PCDH7: variants seen among roughly 807,000 people sequenced by gnomAD.
PCDH7 encodes protocadherin 7.
Under a neutral mutation model 58.9 loss-of-function variants are expected in PCDH7, and 17 were observed. The ratio of observed to expected loss-of-function variants is 0.29; its 90% confidence interval spans 0.20 to 0.43. The LOEUF (loss-of-function observed/expected upper bound fraction) is 0.43, where lower values mean the gene tolerates loss of function less well. PCDH7 is among the 20% of genes least tolerant of loss of function. The pLI is 1.00. For synonymous variants in PCDH7, 664 were observed against 616.4 expected, an observed-to-expected ratio of 1.08 and a Z score of -1.14; for missense variants, 1,274 against 1,441.0, an observed-to-expected ratio of 0.88 and a Z score of 1.88.
chr4:31,146,127 G>A (rs1011407766), downstream of PCDH7: 1 of 151,962 alleles, frequency 6.6e-6, no homozygotes, highest in Non-Finnish European at 1.5e-5. Flanking sequence ...AAACAAGGGA[G>A]GCATTATTTT....
intron 3 of PCDH7, among the ~76,000 whole-genome samples, chr4:31,058,642 A>G (rs569259037): frequency 6.6e-6 from 1 of 152,116 alleles, no homozygotes; most frequent in East Asian, 1.9e-4. Flanking sequence ...GAGGTAAAAG[A>G]CCTTCTTATA....
chr4:31,102,603 G>C (rs545375008), intron 3 of PCDH7, among the ~76,000 whole-genome samples: 2 of 151,302 alleles, frequency 1.3e-5, no homozygotes, highest in Non-Finnish European at 2.9e-5. Flanking sequence ...AACCGGGGAG[G>C]TGAAGGCTGA....
At chr4:31,034,625 T>C (rs73113497) in intron 3 of PCDH7, among the ~76,000 whole-genome samples, 36,072 of 152,088 alleles carry the variant, frequency 0.24, 4,545 homozygotes, top group South Asian at 0.34. Context: ...CTACTAGTAA[T>C]GCTACTCCAG....
At chr4:31,048,448 T>C (rs1443552035) in intron 3 of PCDH7, among the ~76,000 whole-genome samples, 1 of 152,118 alleles carries the variant, frequency 6.6e-6, no homozygotes, top group Non-Finnish European at 1.5e-5. Context: ...AATATAATTA[T>C]TTTTAGTCTT....
intron 3 of PCDH7, among the ~76,000 whole-genome samples, chr4:30,970,588 C>T (rs933869102): frequency 6.6e-6 from 1 of 152,186 alleles, no homozygotes; most frequent in South Asian, 2.1e-4. Context: ...CCACCGCTCC[C>T]GGCCAAATGA....
intron 1 of PCDH7, among the ~76,000 whole-genome samples, chr4:30,866,825 T>C (rs528679927): frequency 6.6e-6 from 1 of 152,246 alleles, no homozygotes; most frequent in South Asian, 2.1e-4. Context: ...GATGAAACCC[T>C]TCTGCAGCCA....
At chr4:30,906,356 G>A (rs1740923376) in intron 1 of PCDH7, among the ~76,000 whole-genome samples, 1 of 152,092 alleles carries the variant, frequency 6.6e-6, no homozygotes, top group African/African-American at 2.4e-5. Flanking sequence ...TGAAAGATTA[G>A]GTATTGTCCC....
intron 1 of PCDH7, among the ~76,000 whole-genome samples, chr4:30,868,729 CA>C (rs1005059049): frequency 5.3e-5 from 8 of 151,962 alleles, no homozygotes; most frequent in Non-Finnish European, 1.0e-4. Flanking sequence ...TCCAAGAAAA[CA>C]AAAGCAATTT....
intron 1 of PCDH7, among the ~76,000 whole-genome samples, chr4:30,800,213 C>T (rs1725360460): frequency 6.6e-6 from 1 of 151,870 alleles, no homozygotes; most frequent in South Asian, 2.1e-4. Flanking sequence ...ATCCTAATGT[C>T]AGTGTGGGGT....
intron 1 of PCDH7, among the ~76,000 whole-genome samples, chr4:30,852,406 G>A (rs1732879960): frequency 1.3e-5 from 2 of 152,048 alleles, no homozygotes; most frequent in South Asian, 4.1e-4. Flanking sequence ...AGTATCCCAG[G>A]CAATTAATGG....
At chr4:31,000,686 CTTTCCT>C (rs990911127) in intron 3 of PCDH7, among the ~76,000 whole-genome samples, 1 of 151,910 alleles carries the variant, frequency 6.6e-6, no homozygotes, top group Non-Finnish European at 1.5e-5. Context: ...TGCCTTTCTT[CTTTCCT>C]TCTCTCCTAC....
chr4:30,975,602 A>G (rs925057915), intron 3 of PCDH7, among the ~76,000 whole-genome samples: 1 of 151,996 alleles, frequency 6.6e-6, no homozygotes, highest in African/African-American at 2.4e-5. Context: ...AGTATTTCCA[A>G]TTTTACTTGT....
At chr4:31,069,052 CGT>C (rs1215683112) in intron 3 of PCDH7, among the ~76,000 whole-genome samples, 4 of 151,470 alleles carry the variant, frequency 2.6e-5, no homozygotes, top group Admixed American at 1.3e-4. Context: ...TGTGTGTGTG[CGT>C]GTGTGTGTGT....
chr4:31,137,861 A>T (rs1354601698), intron 3 of PCDH7, among the ~76,000 whole-genome samples: 1 of 152,186 alleles, frequency 6.6e-6, no homozygotes, highest in Non-Finnish European at 1.5e-5. Flanking sequence ...ATATTTTAAT[A>T]CTAAATATAA....
At chr4:30,902,907 C>T (rs527245112) in intron 1 of PCDH7, among the ~76,000 whole-genome samples, 2 of 152,154 alleles carry the variant, frequency 1.3e-5, no homozygotes, top group Non-Finnish European at 2.9e-5. Flanking sequence ...CTTAAGAATT[C>T]AAACCATTTT....
At chr4:30,892,550 C>T (rs987929200) in intron 1 of PCDH7, among the ~76,000 whole-genome samples, 5 of 151,938 alleles carry the variant, frequency 3.3e-5, no homozygotes, top group African/African-American at 9.7e-5. Context: ...TACTCTTAAA[C>T]AGAATTCTAA....
chr4:30,842,176 A>G (rs760784453), intron 1 of PCDH7, among the ~76,000 whole-genome samples: 17 of 152,146 alleles, frequency 1.1e-4, no homozygotes, highest in Non-Finnish European at 2.2e-4. Flanking sequence ...AGGCAGAGGT[A>G]TAAATTTATT....
intron 1 of PCDH7, among the ~76,000 whole-genome samples, chr4:30,748,708 A>T (rs557310757): frequency 7.1e-4 from 108 of 152,304 alleles, no homozygotes; most frequent in African/African-American, 2.5e-3. Flanking sequence ...CCATCTGAAC[A>T]CTGGGAATAG....
At chr4:30,779,981 C>G (rs969402522) in intron 1 of PCDH7, among the ~76,000 whole-genome samples, 1 of 151,940 alleles carries the variant, frequency 6.6e-6, no homozygotes, top group Non-Finnish European at 1.5e-5. Context: ...CAAAGGTGGC[C>G]GGTATTATGG....
Sources: allele counts gnomAD v4.1 joint callset (sites outside exome capture counted in the v4.1 genomes callset), GRCh38; gene constraint gnomAD v4.1.1; transcripts MANE v1.5; gene names NCBI Gene and HGNC (gene_info 2026-07-23, HGNC 2026-07-21).